The following CCM2 variants were observed in gnomAD, a reference collection of about 807,000 sequenced individuals.
CCM2 encodes the protein cerebral cavernous malformations 2 protein.
In CCM2, 25 loss-of-function variants were observed where a neutral mutation model predicts 44.9. The observed-to-expected ratio is 0.56, with a 90% CI of 0.41 to 0.78. The LOEUF is 0.78. Among genes scored for constraint, CCM2 ranks in the 30% least tolerant of loss-of-function variants. The pLI is 0.00. For missense variants in CCM2, 481 were observed against 580.6 expected (o/e 0.83, Z 1.76); for synonymous variants, 219 against 241.1 (o/e 0.91, Z 0.85).
At chr7:45,043,773 T>G in intron 2 of CCM2, 3 of 388,734 alleles carry the variant, frequency 7.7e-6, no homozygotes, top group South Asian at 5.7e-5. Flanking sequence ...CTCTCATTTT[T>G]CCTATTCTTT....
At chr7:45,040,252 C>T (rs545823596) in intron 2 of CCM2, among the ~76,000 whole-genome samples, 33 of 151,958 alleles carry the variant, frequency 2.2e-4, no homozygotes, top group Middle Eastern at 3.4e-3. Context: ...GGCGCGGTGG[C>T]GGGCACCTGT....
intron 6 of CCM2, chr7:45,070,391 C>T (rs574145482): frequency 8.9e-6 from 4 of 451,888 alleles, no homozygotes; most frequent in African/African-American, 6.0e-5. Context: ...CCTTCCAGGA[C>T]CATGGCCAGA....
intron 1 of CCM2, among the ~76,000 whole-genome samples, chr7:45,031,935 C>G (rs56280938): frequency 0.042 from 6,376 of 152,144 alleles, 201 homozygotes; most frequent in Non-Finnish European, 0.058. Context: ...GCTTCTTGTT[C>G]AGTTTTGTAT....
intron 1 of CCM2, among the ~76,000 whole-genome samples, chr7:45,035,272 A>T (rs1181909819): frequency 6.6e-6 from 1 of 152,196 alleles, no homozygotes; most frequent in African/African-American, 2.4e-5. Flanking sequence ...AAATATATTC[A>T]TCATTTTCAA....
chr7:45,059,764 A>T (rs150433753), intron 2 of CCM2, among the ~76,000 whole-genome samples: 6 of 152,130 alleles, frequency 3.9e-5, no homozygotes, highest in Admixed American at 2.6e-4. Flanking sequence ...GTATATATAT[A>T]TATTTATTTT....
intron 2 of CCM2, among the ~76,000 whole-genome samples, chr7:45,051,868 G>T (rs1798028956): frequency 6.7e-6 from 1 of 148,898 alleles, no homozygotes; most frequent in Non-Finnish European, 1.5e-5. Flanking sequence ...GCCACGCCTG[G>T]CTAATTTTTT....
chr7:45,061,708 C>T (rs1189591302), intron 2 of CCM2, among the ~76,000 whole-genome samples: 1 of 152,154 alleles, frequency 6.6e-6, no homozygotes, highest in Non-Finnish European at 1.5e-5. Context: ...TGGTCTCAAA[C>T]TCCTGGCCTC....
intron 2 of CCM2, among the ~76,000 whole-genome samples, chr7:45,060,327 G>A (rs757149749): frequency 2.4e-4 from 36 of 152,116 alleles, no homozygotes; most frequent in Non-Finnish European, 3.8e-4. Flanking sequence ...TTTTTTTCCT[G>A]TGGAAAAAAT....
intron 9 of CCM2, 62 bp downstream of exon 9, chr7:45,074,470 C>T: frequency 7.1e-7 from 1 of 1,415,848 alleles, no homozygotes; most frequent in South Asian, 1.2e-5. Flanking sequence ...CTGATCCCTC[C>T]TGGGAATGTG....
In CCM2 at chr7:45,035,651, G is replaced by A. The variant is rs78099148; in HGVS notation, c.31-2602G>A. 8.6e-3 allele frequency among the ~76,000 whole-genome samples: 1,302 copies of A among 152,260 alleles called. 22 individuals are homozygous for A. The highest frequency in any genetic ancestry group is 0.03 in the African/African-American group (1,250 of 41,536). On this transcript the variant is annotated intron_variant, in intron 1 of 9. Coordinates refer to ENST00000258781, the MANE Select transcript of CCM2 (RefSeq NM_031443.4). ...GAAGGCGGATGCAGGGGTGGGTCCA[G>A]TCAGCCCAAGTGAGAGAGGAAGCAT...
intron 2 of CCM2, among the ~76,000 whole-genome samples, chr7:45,052,796 A>C (rs1270469678): frequency 1.3e-5 from 2 of 152,204 alleles, no homozygotes; most frequent in African/African-American, 4.8e-5. Context: ...TTATGTTTTC[A>C]AGAGCAGCAT....
At chr7:45,062,044 G>A (rs1798550965) in intron 2 of CCM2, among the ~76,000 whole-genome samples, 1 of 152,146 alleles carries the variant, frequency 6.6e-6, no homozygotes, top group Non-Finnish European at 1.5e-5. Context: ...GTGATTCTTA[G>A]CATTGCATAT....
At chr7:45,031,381 CAAAAAAA>C (rs35741858) in intron 1 of CCM2, among the ~76,000 whole-genome samples, 1 of 57,486 alleles carries the variant, frequency 1.7e-5, no homozygotes, top group Non-Finnish European at 3.5e-5. Flanking sequence ...GACTCCAGGT[CAAAAAAA>C]AAAAAAAAAA....
chr7:45,024,904 C>G (rs1796621595), intron 1 of CCM2, among the ~76,000 whole-genome samples: 1 of 152,130 alleles, frequency 6.6e-6, no homozygotes, highest in Non-Finnish European at 1.5e-5. Flanking sequence ...TTTTTCTGTC[C>G]ATAAAATTGA....
chr7:45,066,831 T>C (rs1798800109), intron 4 of CCM2, among the ~76,000 whole-genome samples: 1 of 151,570 alleles, frequency 6.6e-6, no homozygotes, highest in Non-Finnish European at 1.5e-5. Flanking sequence ...CATTTAAAAA[T>C]GTTTAAAAGG....
intron 1 of CCM2, among the ~76,000 whole-genome samples, chr7:45,023,077 G>A (rs1051586821): frequency 1.3e-5 from 2 of 152,048 alleles, no homozygotes; most frequent in East Asian, 1.9e-4. Flanking sequence ...CCCAAAAAGC[G>A]TACATTGTAT....
chr7:45,058,936 G>A (rs928659425), intron 2 of CCM2, among the ~76,000 whole-genome samples: 3 of 151,540 alleles, frequency 2.0e-5, no homozygotes, highest in African/African-American at 7.3e-5. Context: ...GTGTAAACGG[G>A]GTTTTGCCAT....
At chr7:45,030,833 C>T (rs923773976) in intron 1 of CCM2, among the ~76,000 whole-genome samples, 19 of 152,132 alleles carry the variant, frequency 1.2e-4, no homozygotes, top group Admixed American at 9.8e-4. Flanking sequence ...AAGCAATTCT[C>T]CTGCCTCAGC....
intron 6 of CCM2, 51 bp downstream of exon 6, chr7:45,070,012 A>G (rs775886239): frequency 6.2e-7 from 1 of 1,604,318 alleles, no homozygotes; most frequent in Non-Finnish European, 8.5e-7. Flanking sequence ...AGGAGGGGCT[A>G]CTGCAGTGGC....
Sources: allele counts gnomAD v4.1 joint callset (sites outside exome capture counted in the v4.1 genomes callset), GRCh38; gene constraint gnomAD v4.1.1; transcripts MANE v1.5; gene names NCBI Gene and HGNC (gene_info 2026-07-23, HGNC 2026-07-21).